Variants in MALRD1 observed in about 807,000 individuals in gnomAD.
MALRD1 encodes the protein MAM and LDL receptor class A domain containing 1.
In MALRD1, 247 loss-of-function variants were observed where a neutral mutation model predicts 242.1. The observed-to-expected ratio is 1.02, with a 90% CI of 0.92 to 1.13. MALRD1 has a LOEUF of 1.13. Among genes scored for constraint, MALRD1 ranks in the 50% most tolerant of loss-of-function variants. The probability of loss-of-function intolerance (pLI) is 0.00; values close to 1 mark genes in which losing one functional copy is unlikely to be tolerated. For missense variants in MALRD1, 2,989 were observed against 2,533.1 expected (o/e 1.18, Z -3.86); for synonymous variants, 995 against 866.6 (o/e 1.15, Z -2.60).
At chr10:19,602,670 C>G (rs1476140996) in intron 34 of MALRD1, among the ~76,000 whole-genome samples, 1 of 152,030 alleles carries the variant, frequency 6.6e-6, no homozygotes, top group Non-Finnish European at 1.5e-5. Flanking sequence ...GTGCTTGTGT[C>G]TCTATAGCAG....
chr10:19,557,077 A>G (rs568794985), intron 32 of MALRD1, among the ~76,000 whole-genome samples: 1 of 152,230 alleles, frequency 6.6e-6, no homozygotes, highest in Admixed American at 6.5e-5. Context: ...GCCATTAGCC[A>G]TTTGAATAGA....
intron 32 of MALRD1, among the ~76,000 whole-genome samples, chr10:19,554,746 G>C (rs536253166): frequency 6.6e-6 from 1 of 152,190 alleles, no homozygotes; most frequent in South Asian, 2.1e-4. Context: ...TGGCTGCATA[G>C]CATTCTATGG....
intron 28 of MALRD1, among the ~76,000 whole-genome samples, chr10:19,394,753 G>T (rs1266523308): frequency 2.0e-5 from 3 of 152,182 alleles, no homozygotes; most frequent in Non-Finnish European, 4.4e-5. Context: ...TGAGCATCAT[G>T]TCGACCTTCT....
intron 32 of MALRD1, among the ~76,000 whole-genome samples, chr10:19,561,295 T>G (rs1290290168): frequency 1.3e-5 from 2 of 152,162 alleles, no homozygotes; most frequent in African/African-American, 4.8e-5. Context: ...GAGTGTGTAT[T>G]CTGCTGTTTC....
At chr10:19,587,384 A>G (rs1837491557) in intron 33 of MALRD1, among the ~76,000 whole-genome samples, 1 of 152,250 alleles carries the variant, frequency 6.6e-6, no homozygotes, top group South Asian at 2.1e-4. Flanking sequence ...ATGTTTGGCA[A>G]CAACATAATT....
chr10:19,085,365 A>G (rs1835633713), intron 2 of MALRD1, among the ~76,000 whole-genome samples: 1 of 152,016 alleles, frequency 6.6e-6, no homozygotes, highest in African/African-American at 2.4e-5. Flanking sequence ...TTCTATACTC[A>G]TACTAAAGGA....
intron 31 of MALRD1, among the ~76,000 whole-genome samples, chr10:19,527,919 A>T (rs2065497): frequency 2.6e-5 from 4 of 152,044 alleles, no homozygotes; most frequent in African/African-American, 7.3e-5. Context: ...AGATATTCTT[A>T]TTTAATTAAA....
chr10:19,256,649 G>A (rs556424578), intron 18 of MALRD1, among the ~76,000 whole-genome samples: 14 of 152,092 alleles, frequency 9.2e-5, no homozygotes, highest in South Asian at 8.3e-4. Context: ...AGAAAATCCT[G>A]GTAGACCTCA....
chr10:19,499,446 A>G (rs1351756100), intron 31 of MALRD1, among the ~76,000 whole-genome samples: 3 of 123,158 alleles, frequency 2.4e-5, no homozygotes, highest in African/African-American at 5.5e-5. Flanking sequence ...GCCTGAATAG[A>G]AAAAAAAAAA....
chr10:19,175,875 A>G (rs1297512196), intron 14 of MALRD1, among the ~76,000 whole-genome samples: 3 of 152,130 alleles, frequency 2.0e-5, no homozygotes, highest in African/African-American at 4.8e-5. Context: ...TTTTTTGGAG[A>G]GAATATCAAT....
In MALRD1 at chr10:19,728,320, A is replaced by G. The variant is rs1445649256; in HGVS notation, c.6315-2386A>G. On this transcript the variant is annotated intron_variant, in intron 38 of 39. Transcript: ENST00000454679. The stretch of plus-strand genomic sequence containing the variant: ...TTCAAATGTTTTTTCATTTTAATAG[A>G]AAATTATTTCAGACTTAAAACCCTT... 2.6e-5 allele frequency: 4 copies of G among 152,354 alleles called. No individual in the cohort carries two copies. The East Asian group carries it at 5.8e-4, about 22-fold the overall frequency. The allele number at this position is 152,354 out of a possible 1,614,324, so 9.4% of individuals were successfully genotyped here.
rs140249406 is a variant in MALRD1, at chr10:19,713,893, C to A, written c.6315-16813C>A. Among the ~76,000 whole-genome samples the A allele has an allele frequency of 1.8e-3, 271 of 152,320 alleles. 1 individual carries two copies. Among genetic ancestry groups the A allele is most frequent in the African/African-American group, 6.2e-3 (257 of 41,586 alleles). On this transcript the variant is annotated intron_variant, in intron 38 of 39. Coordinates refer to ENST00000454679, the MANE Select transcript of MALRD1 (RefSeq NM_001142308.3). ...AAAAATGTTGAAATGGGAAAAGTCC[C>A]TTTATTGCTCTTGCAGAGCATGCAA...
At chr10:19,380,073 C>T (rs1439401282) in intron 26 of MALRD1, among the ~76,000 whole-genome samples, 15 of 149,542 alleles carry the variant, frequency 1.0e-4, no homozygotes, top group Admixed American at 8.7e-4. Context: ...CTCCCAGGTT[C>T]CAGGAATTCT....
intron 33 of MALRD1, among the ~76,000 whole-genome samples, chr10:19,584,572 G>T (rs1471070070): frequency 1.5e-4 from 23 of 152,086 alleles, no homozygotes; most frequent in African/African-American, 5.3e-4. Context: ...TAGTTTGATT[G>T]CACTGTGGTC....
chr10:19,050,335 C>T (rs1241427982), intron 1 of MALRD1, among the ~76,000 whole-genome samples: 3 of 151,462 alleles, frequency 2.0e-5, no homozygotes. Context: ...GATCCGCCCG[C>T]CTCGGCCTCC....
chr10:19,602,464 C>G (rs1489814803), intron 34 of MALRD1, among the ~76,000 whole-genome samples: 1 of 149,808 alleles, frequency 6.7e-6, no homozygotes, highest in Non-Finnish European at 1.5e-5. Context: ...TTTTTCCTTG[C>G]GATAGTTTGC....
chr10:19,277,500 G>A (rs1344032242), intron 19 of MALRD1, among the ~76,000 whole-genome samples: 1 of 152,046 alleles, frequency 6.6e-6, no homozygotes, highest in Non-Finnish European at 1.5e-5. Flanking sequence ...AAGAATCTGA[G>A]TATGCATGCC....
chr10:19,103,448 C>T (rs1836341970), intron 4 of MALRD1, among the ~76,000 whole-genome samples: 1 of 149,676 alleles, frequency 6.7e-6, no homozygotes, highest in African/African-American at 2.5e-5. Flanking sequence ...GTAGTCCCAG[C>T]TACTCGGGAG....
chr10:19,432,865 C>T (rs1834197375), intron 28 of MALRD1, among the ~76,000 whole-genome samples: 2 of 152,208 alleles, frequency 1.3e-5, no homozygotes, highest in African/African-American at 4.8e-5. Flanking sequence ...CCAAAGGCTA[C>T]TGTGAACATT....
Sources: gnomAD v4.1 joint callset for allele counts (sites outside exome capture counted in the v4.1 genomes callset) on GRCh38, gnomAD v4.1.1 for gene constraint, MANE v1.5 for transcripts, NCBI Gene and HGNC (gene_info 2026-07-23, HGNC 2026-07-21) for gene names.